The following ASB5 variants were observed in gnomAD, a reference collection of about 807,000 sequenced individuals.
ASB5 encodes ankyrin repeat and SOCS box containing 5, also known as ankyrin repeat and SOCS box protein 5.
ASB5 carries 45 observed loss-of-function variants against 42.1 expected under a neutral mutation model. The observed-to-expected ratio is 1.07, with a 90% confidence interval of 0.84 to 1.37. The LOEUF (loss-of-function observed/expected upper bound fraction) is 1.37. Among genes scored for constraint, ASB5 ranks in the 40% most tolerant of loss-of-function variants. ASB5 has a pLI of 0.00. For synonymous variants in ASB5, 147 were observed against 150.6 expected, an observed-to-expected ratio of 0.98 and a Z score of 0.18; for missense variants, 402 against 399.8, an observed-to-expected ratio of 1.01 and a Z score of -0.05.
Position 176,219,542 on chromosome 4 carries a change from A to ATT in ASB5, c.670+1612_670+1613insAA, listed in dbSNP as rs71244922. 3.0e-3 allele frequency among the ~76,000 whole-genome samples: 148 copies of ATT among 49,836 alleles called. 51 individuals are homozygous for ATT. The highest frequency in any genetic ancestry group is 0.018 in the Middle Eastern group (1 of 56). The allele number at this position is 49,836 out of a possible 152,430, so 32.7% of individuals were successfully genotyped here. A position where few individuals can be genotyped will look rare whatever the true frequency, so the allele number is the denominator to read the frequency against. ...ATTTGTATGATATATAAATATATAT[A>ATT]TGTATGATATATAAATATGTATATA... On this transcript the variant is annotated intron_variant, in intron 5 of 6. Transcript: ENST00000296525.
chr4:176,217,520 T>C (rs1753006323), intron 5 of ASB5, among the ~76,000 whole-genome samples: 1 of 152,116 alleles, frequency 6.6e-6, no homozygotes, highest in Non-Finnish European at 1.5e-5. Flanking sequence ...GTAAAATGTA[T>C]ATAGATTTTC....
intron 1 of ASB5, among the ~76,000 whole-genome samples, chr4:176,243,199 G>A (rs536954540): frequency 1.3e-5 from 2 of 152,212 alleles, no homozygotes; most frequent in South Asian, 2.1e-4. Flanking sequence ...TTACAGTCCT[G>A]TGTATACTTA....
Position 176,217,014 on chromosome 4 carries a change from A to T in ASB5, c.671-5T>A, listed in dbSNP as rs779223687. On this transcript the variant is annotated splice_polypyrimidine_tract_variant and splice_region_variant and intron_variant, in intron 5 of 6. Transcript: ENST00000296525. The stretch of plus-strand genomic sequence containing the variant: ...TGCCTTTCTGTACGTCAGCACCTAC[A>T]TGTAATACGGAGTGAAGATAAATAT... 1.3e-6 allele frequency: 2 copies of T among 1,588,032 alleles called. No homozygotes were observed. Among genetic ancestry groups the T allele is most frequent in the East Asian group, 4.5e-5 (2 of 44,500 alleles).
chr4:176,245,683 G>T (rs557924313), intron 1 of ASB5, among the ~76,000 whole-genome samples: 2 of 152,152 alleles, frequency 1.3e-5, no homozygotes, highest in African/African-American at 4.8e-5. Flanking sequence ...TTAAGAAAAT[G>T]TGGCACATAT....
At position 176,241,353 on chromosome 4, in the gene ASB5, C is replaced by T. The variant is rs1033568720; in HGVS notation, c.197-16012G>A. ...ATTTTAAAAGTGTAAGTTTCCCATCCTTAGAAAAAAAATGAATGTTTACTC... is the reference window on the plus strand; with the variant it reads ...ATTTTAAAAGTGTAAGTTTCCCATCTTTAGAAAAAAAATGAATGTTTACTC... On this transcript the variant is annotated intron_variant, in intron 1 of 6. Transcript: ENST00000296525. 27 of 874,356 alleles carry T rather than the reference C, an allele frequency of 3.1e-5. No individual in the cohort carries two copies. The African/African-American group carries it at 3.6e-4, about 12-fold the overall frequency. 54.2% of individuals were successfully genotyped at this position (874,356 alleles called of 1,614,324 possible).
intron 5 of ASB5, among the ~76,000 whole-genome samples, chr4:176,217,301 TTC>T (rs1753000547): frequency 6.6e-6 from 1 of 152,120 alleles, no homozygotes; most frequent in African/African-American, 2.4e-5. Flanking sequence ...CATAATAAAA[TTC>T]TTTTTAACTT....
At chr4:176,275,658 C>G (rs1754550876) in intron 2 of ASB5, 1 of 152,234 alleles carries the variant, frequency 6.6e-6, no homozygotes, top group African/African-American at 2.4e-5. Context: ...GCAGGAGTCA[C>G]TCTGGTGACC....
intron 1 of ASB5, among the ~76,000 whole-genome samples, chr4:176,276,093 G>T (rs945085666): frequency 6.6e-6 from 1 of 152,106 alleles, no homozygotes; most frequent in Non-Finnish European, 1.5e-5. Context: ...AATCTTGGAC[G>T]ATCTGGTAAC....
chr4:176,267,944 G>C (rs1754389804), intron 1 of ASB5, among the ~76,000 whole-genome samples: 1 of 152,060 alleles, frequency 6.6e-6, no homozygotes, highest in Admixed American at 6.6e-5. Context: ...ATTTTAAGAA[G>C]GCAAGCTTTC....
intron 1 of ASB5, among the ~76,000 whole-genome samples, chr4:176,228,628 C>T (rs966048837): frequency 1.3e-4 from 20 of 152,094 alleles, no homozygotes; most frequent in African/African-American, 4.8e-4. Context: ...TTATGTATTA[C>T]TTCTTTCTAC....
chr4:176,243,539 G>A (rs1172581655), intron 1 of ASB5, among the ~76,000 whole-genome samples: 1 of 151,906 alleles, frequency 6.6e-6, no homozygotes, highest in Non-Finnish European at 1.5e-5. Context: ...GTCTTACTCT[G>A]TTGCCCAGGC....
At chr4:176,229,278 A>G (rs1753461169) in intron 1 of ASB5, among the ~76,000 whole-genome samples, 1 of 152,176 alleles carries the variant, frequency 6.6e-6, no homozygotes, top group Non-Finnish European at 1.5e-5. Context: ...GTTGTTGGGA[A>G]TGTAAAGGCC....
chr4:176,246,508 T>C (rs1344247176), intron 1 of ASB5, among the ~76,000 whole-genome samples: 4 of 152,174 alleles, frequency 2.6e-5, no homozygotes, highest in Non-Finnish European at 5.9e-5. Flanking sequence ...CACAGTGCAG[T>C]TGCTTATTTA....
chr4:176,216,850 C>T lies in ASB5; in HGVS notation c.830G>A (p.Ser277Asn), dbSNP rs145702933. The T allele has an allele frequency of 9.9e-6, 16 of 1,609,958 alleles. No individual in the cohort carries two copies. The highest frequency in any genetic ancestry group is 1.4e-5 in the Non-Finnish European group (16 of 1,178,892). Residue 277 changes from serine to asparagine, a missense_variant, in exon 6 of 7, where the codon AGT becomes AAT. Transcript: ENST00000296525. The part of the protein sequence containing the change: ...LRPIDVATSS[S>N]MVERILLQHE... ...TTGAAGCAATATCCTTTCCACCATA[C>T]TGCTAGACGTAGCTACATCTATAGG... is the stretch of plus-strand genomic sequence containing the variant.
chr4:176,249,066 C>T (rs1753967495), intron 1 of ASB5, among the ~76,000 whole-genome samples: 1 of 152,154 alleles, frequency 6.6e-6, no homozygotes, highest in South Asian at 2.1e-4. Flanking sequence ...TCCCGGGTCC[C>T]AACGATTCTC....
In ASB5 at chr4:176,257,692, G is replaced by A. The variant is rs1383404693; in HGVS notation, c.196+11221C>T. 5.3e-5 allele frequency among the ~76,000 whole-genome samples: 8 copies of A among 152,246 alleles called. No individual in the cohort carries two copies. In the East Asian group the frequency reaches 1.3e-3, roughly 26 times the overall value. On this transcript the variant is annotated intron_variant, in intron 1 of 6. Transcript: ENST00000296525. Reference sequence around the variant, plus strand: ...ATATCTTTCCTTTTATATAGAAAGGGCCAGTCGACAAGGCGCATGGATGGC... The same window carrying A: ...ATATCTTTCCTTTTATATAGAAAGGACCAGTCGACAAGGCGCATGGATGGC...
chr4:176,222,248 G>A lies in ASB5; in HGVS notation c.384+65C>T, dbSNP rs1753234627. Reference sequence around the variant, plus strand: ...AGAATGAAGGAAAGAAAAGTAAAATGAGAACTCTGTTGGATTCCCTCCGTC... The same window carrying A: ...AGAATGAAGGAAAGAAAAGTAAAATAAGAACTCTGTTGGATTCCCTCCGTC... On this transcript the variant is annotated intron_variant, in intron 3 of 6. Transcript: ENST00000296525. 5.7e-6 allele frequency: 8 copies of A among 1,401,808 alleles called. No individual in the cohort carries two copies. In the East Asian group the frequency reaches 1.4e-4, roughly 24 times the overall value. 86.8% of individuals were successfully genotyped at this position (1,401,808 alleles called of 1,614,324 possible).
chr4:176,258,660 T>C (rs1754201265), intron 1 of ASB5, among the ~76,000 whole-genome samples: 2 of 152,178 alleles, frequency 1.3e-5, no homozygotes, highest in Non-Finnish European at 2.9e-5. Context: ...TACATAGTTT[T>C]TTTTCTTCTA....
rs1554042708 is a variant in ASB5 at position 176,219,575 on chromosome 4, G to GATATATAAATATATATATATAT, written c.670+1579_670+1580insATATATATATATATTTATATAT. ...TATATAAATATGTATATATTTGTAT[G>GATATATAAATATATATATATAT]ATATATATATATATATATATATATA... On this transcript the variant is annotated intron_variant, in intron 5 of 6. Coordinates refer to ENST00000296525, the MANE Select transcript of ASB5 (RefSeq NM_080874.4). Among the ~76,000 whole-genome samples, 2 of 6,006 alleles carry GATATATAAATATATATATATAT rather than the reference G, an allele frequency of 3.3e-4. 1 individual carries two copies. Among genetic ancestry groups the GATATATAAATATATATATATAT allele is most frequent in the Non-Finnish European group, 6.3e-4 (2 of 3,156 alleles). 3.9% of individuals were successfully genotyped at this position (6,006 alleles called of 152,430 possible). A position where few individuals can be genotyped will look rare whatever the true frequency, so the allele number is the denominator to read the frequency against.
Sources: gnomAD v4.1 joint callset for allele counts (sites outside exome capture counted in the v4.1 genomes callset) on GRCh38, gnomAD v4.1.1 for gene constraint, MANE v1.5 for transcripts, NCBI Gene and HGNC (gene_info 2026-07-23, HGNC 2026-07-21) for gene names.